ZBTB8A: variants seen among roughly 807,000 people sequenced by gnomAD.
ZBTB8A encodes the protein zinc finger and BTB domain-containing protein 8A.
A neutral mutation model predicts 37.8 loss-of-function variants in ZBTB8A; 19 were observed. The observed-to-expected ratio is 0.50, with a 90% CI of 0.35 to 0.74. The LOEUF is 0.74. Among genes scored for constraint, ZBTB8A ranks in the 30% least tolerant of loss-of-function variants. The pLI is 0.01. For missense variants in ZBTB8A, 394 were observed against 537.8 expected (o/e 0.73, Z 2.65); for synonymous variants, 181 against 185.2 (o/e 0.98, Z 0.19).
chr1:32,558,966 C>A (rs1644223742), intron 2 of ZBTB8A, among the ~76,000 whole-genome samples: 1 of 152,136 alleles, frequency 6.6e-6, no homozygotes, highest in South Asian at 2.1e-4. Flanking sequence ...CTCTTATAAA[C>A]CCCCATTTAT....
At chr1:32,570,015 C>T (rs573544627) in intron 2 of ZBTB8A, among the ~76,000 whole-genome samples, 1 of 152,222 alleles carries the variant, frequency 6.6e-6, no homozygotes, top group South Asian at 2.1e-4. Flanking sequence ...TAGCTTTTAC[C>T]ATGATGTTTT....
At chr1:32,581,533 G>T (rs919929678) in intron 2 of ZBTB8A, among the ~76,000 whole-genome samples, 2 of 151,112 alleles carry the variant, frequency 1.3e-5, no homozygotes, top group Admixed American at 6.7e-5. Context: ...TGTATTTTTA[G>T]TAGAGATGGG....
At chr1:32,558,229 T>C (rs925534864) in intron 2 of ZBTB8A, among the ~76,000 whole-genome samples, 2 of 152,054 alleles carry the variant, frequency 1.3e-5, no homozygotes, top group Admixed American at 6.6e-5. Flanking sequence ...TTCTGATCAG[T>C]TTCTGAAAAT....
Position 32,593,395 on chromosome 1 carries a change from G to T in ZBTB8A, c.464G>T (p.Trp155Leu). The T allele has an allele frequency of 6.2e-7, 1 of 1,613,712 alleles. No homozygotes were observed. Among genetic ancestry groups the T allele is most frequent in the Non-Finnish European group, 8.5e-7 (1 of 1,179,940 alleles). ...CGTTCCTCTTTTTATAGTGGTGGCT[G>T]GCAAGAAGGAAGCAGTTCTCCACGT... ...VERSSFYSGG[W>L]QEGSSSPRSH... The change falls in exon 3 of 5, where the codon TGG becomes TTG. Residue 155 changes from tryptophan (W) to leucine (L), a missense_variant. Trp to Leu is a moderately conservative substitution (Grantham distance 61, BLOSUM62 -2). This residue lies in a region of ZBTB8A where 171 missense variants were observed against 186.8 expected (regional missense o/e 0.92). Transcript: ENST00000373510.
At chr1:32,595,762 G>A (rs528477106) in intron 4 of ZBTB8A, among the ~76,000 whole-genome samples, 2 of 151,842 alleles carry the variant, frequency 1.3e-5, no homozygotes, top group African/African-American at 2.4e-5. Flanking sequence ...TTATCCTCCC[G>A]CCTCAGCCTC....
At chr1:32,549,169 CAG>C in intron 1 of ZBTB8A, among the ~76,000 whole-genome samples, 1 of 151,822 alleles carries the variant, frequency 6.6e-6, no homozygotes, top group Middle Eastern at 3.4e-3. Context: ...ACCTGGAGGG[CAG>C]AGTCAGACTC....
At chr1:32,553,250 G>T (rs1644171634) in intron 1 of ZBTB8A, among the ~76,000 whole-genome samples, 1 of 151,886 alleles carries the variant, frequency 6.6e-6, no homozygotes, top group Non-Finnish European at 1.5e-5. Context: ...AATAGAGATG[G>T]GGTTTCACCA....
At chr1:32,559,612 A>G (rs1255786477) in intron 2 of ZBTB8A, among the ~76,000 whole-genome samples, 1 of 151,784 alleles carries the variant, frequency 6.6e-6, no homozygotes, top group Non-Finnish European at 1.5e-5. Context: ...CTACAGGTAC[A>G]TGCCACCATG....
intron 1 of ZBTB8A, among the ~76,000 whole-genome samples, chr1:32,543,231 C>G (rs1644072117): frequency 6.6e-6 from 1 of 152,052 alleles, no homozygotes; most frequent in African/African-American, 2.4e-5. Context: ...TTACAGGCAC[C>G]TGCCACCATG....
rs372869584 is a variant in ZBTB8A, at chr1:32,579,093, G to T, written c.-1-13838G>T. Among the ~76,000 whole-genome samples, 4 of 152,008 alleles carry T rather than the reference G, an allele frequency of 2.6e-5. No individual in the cohort carries two copies. In the East Asian group the frequency reaches 5.8e-4, roughly 22 times the overall value. ...TACTACTAAGATATTACTCTTCCAGGGTCTCTACTTTATGCCCTGGATGTT... is the reference window on the plus strand; with the variant it reads ...TACTACTAAGATATTACTCTTCCAGTGTCTCTACTTTATGCCCTGGATGTT... On this transcript the variant is annotated intron_variant, in intron 2 of 4. Transcript: ENST00000373510.
At chr1:32,543,738 G>A (rs570582705) in intron 1 of ZBTB8A, among the ~76,000 whole-genome samples, 6 of 152,112 alleles carry the variant, frequency 3.9e-5, no homozygotes, top group South Asian at 4.2e-4. Context: ...GTGCAATGGC[G>A]CGATCTCGGC....
At position 32,605,550 on chromosome 1, in the gene ZBTB8A, C is replaced by A. The variant is rs1237243257; in HGVS notation, c.*5131C>A. The A allele has an allele frequency of 6.6e-6, 1 of 151,286 alleles. No homozygotes were observed. The highest frequency in any genetic ancestry group is 1.9e-4 in the East Asian group (1 of 5,140). The allele number at this position is 151,286 out of a possible 1,614,324, so 9.4% of individuals were successfully genotyped here. On this transcript the variant is annotated 3_prime_UTR_variant, in exon 5 of 5. Transcript: ENST00000373510. ...TGAAACCCCTTCTCTACTAAAAATA[C>A]AAAAATTAGCCAGGCATGGTGGTGG...
At position 32,602,383 on chromosome 1, in the gene ZBTB8A, A is replaced by C. The variant is rs988278330; in HGVS notation, c.*1964A>C. The C allele has an allele frequency of 2.0e-5, 3 of 152,054 alleles. No homozygotes were observed. Among genetic ancestry groups the C allele is most frequent in the Non-Finnish European group, 4.4e-5 (3 of 68,044 alleles). The allele number at this position is 152,054 out of a possible 1,614,324, so 9.4% of individuals were successfully genotyped here. A position where few individuals can be genotyped will look rare whatever the true frequency, so the allele number is the denominator to read the frequency against. On this transcript the variant is annotated 3_prime_UTR_variant, in exon 5 of 5. Coordinates refer to ENST00000373510, the MANE Select transcript of ZBTB8A (RefSeq NM_001040441.3). ...TGCATAAATTATGAAACATTCCAAA[A>C]TTACAGCTAAATTAGAGAAGCATTG... is the stretch of plus-strand genomic sequence containing the variant.
intron 1 of ZBTB8A, among the ~76,000 whole-genome samples, chr1:32,552,937 T>C (rs1254519041): frequency 1.3e-5 from 2 of 148,600 alleles, no homozygotes; most frequent in African/African-American, 2.4e-5. Flanking sequence ...ATTTGTTCTA[T>C]ATTATATATT....
At chr1:32,555,161 G>A (rs1257063012) in intron 2 of ZBTB8A, among the ~76,000 whole-genome samples, 5 of 152,100 alleles carry the variant, frequency 3.3e-5, no homozygotes, top group African/African-American at 9.7e-5. Flanking sequence ...AGGCCGAGGC[G>A]GGCAGATCAC....
intron 2 of ZBTB8A, among the ~76,000 whole-genome samples, chr1:32,561,512 C>T (rs1282983534): frequency 6.6e-6 from 1 of 152,102 alleles, no homozygotes; most frequent in African/African-American, 2.4e-5. Context: ...TCATTCCAGC[C>T]TCTGCTTCTG....
At chr1:32,599,773 A>G (rs1287645830) in intron 4 of ZBTB8A, among the ~76,000 whole-genome samples, 1 of 152,092 alleles carries the variant, frequency 6.6e-6, no homozygotes, top group East Asian at 1.9e-4. Flanking sequence ...TACATGGCAC[A>G]TAGTGTTTGC....
In ZBTB8A at chr1:32,570,617, G is replaced by A. The variant is rs548834581; in HGVS notation, c.-2+17077G>A. 4.6e-5 allele frequency among the ~76,000 whole-genome samples: 7 copies of A among 152,224 alleles called. No individual in the cohort carries two copies. The East Asian group carries it at 1.4e-3, about 29-fold the overall frequency. On this transcript the variant is annotated intron_variant, in intron 2 of 4. Transcript: ENST00000373510. ...TTGTGGTTTTGAATACATAGAGTTTGCAAATAATTTAGTTATATTGACCCC... is the reference window on the plus strand; with the variant it reads ...TTGTGGTTTTGAATACATAGAGTTTACAAATAATTTAGTTATATTGACCCC...
chr1:32,540,514 ACGTATGAAG>A (rs1644044664), intron 1 of ZBTB8A, among the ~76,000 whole-genome samples: 3 of 152,168 alleles, frequency 2.0e-5, no homozygotes, highest in Non-Finnish European at 2.9e-5. Flanking sequence ...ATGAGGGAAC[ACGTATGAAG>A]CATGGCGTTT....
Sources: allele counts gnomAD v4.1 joint callset (sites outside exome capture counted in the v4.1 genomes callset), GRCh38; gene constraint gnomAD v4.1.1; regional missense constraint gnomAD v4.1.1; transcripts MANE v1.5; gene names NCBI Gene and HGNC (gene_info 2026-07-23, HGNC 2026-07-21).